The following CRB1 variants were observed in gnomAD, a reference collection of about 807,000 sequenced individuals.
The protein encoded by CRB1 is crumbs cell polarity complex component 1.
In CRB1, 83 loss-of-function variants were observed where a neutral mutation model predicts 120.0. The ratio of observed to expected loss-of-function variants is 0.69; its 90% CI spans 0.58 to 0.83. The LOEUF is 0.83. Among genes scored for constraint, CRB1 ranks in the 40% least tolerant of loss-of-function variants. The pLI, the probability that CRB1 is intolerant of heterozygous loss-of-function variation, is 0.00. For synonymous variants in CRB1, 625 were observed against 612.5 expected, an observed-to-expected ratio of 1.02 and a Z score of -0.30; for missense variants, 1,699 against 1,687.6, an observed-to-expected ratio of 1.01 and a Z score of -0.12.
intron 1 of CRB1, among the ~76,000 whole-genome samples, chr1:197,317,605 G>C (rs1465313652): frequency 5.3e-5 from 8 of 152,062 alleles, no homozygotes; most frequent in Non-Finnish European, 1.2e-4. Flanking sequence ...ATACCAAAAG[G>C]CTAGAGTAAC....
chr1:197,247,864 A>G, the CRB1 span, among the ~76,000 whole-genome samples: 4 of 152,188 alleles, frequency 2.6e-5, no homozygotes, highest in Non-Finnish European at 4.4e-5. Context: ...AACAACAACT[A>G]TCATTTCACA....
intron 5 of CRB1, among the ~76,000 whole-genome samples, chr1:197,365,250 T>C (rs1403857748): frequency 6.6e-6 from 1 of 152,176 alleles, no homozygotes; most frequent in Admixed American, 6.5e-5. Context: ...CTTTGATTTA[T>C]GGAGATGAAG....
At chr1:197,281,578 A>C (rs1655524256) in intron 1 of CRB1, among the ~76,000 whole-genome samples, 1 of 151,830 alleles carries the variant, frequency 6.6e-6, no homozygotes, top group African/African-American at 2.4e-5. Context: ...ATGAGAAGGG[A>C]ATAAAGAAGG....
intron 1 of CRB1, among the ~76,000 whole-genome samples, chr1:197,297,946 G>A (rs1420052541): frequency 6.6e-6 from 1 of 152,070 alleles, no homozygotes; most frequent in African/African-American, 2.4e-5. Context: ...GGGGTGGTGA[G>A]GACAGTAGCC....
At chr1:197,272,454 T>C (rs1412137393) in intron 1 of CRB1, among the ~76,000 whole-genome samples, 2 of 152,142 alleles carry the variant, frequency 1.3e-5, no homozygotes, top group Non-Finnish European at 2.9e-5. Flanking sequence ...TTGCATGCTT[T>C]TTTTTCATCA....
rs556451799 is a variant in CRB1 at position 197,278,082 on chromosome 1, A to G, written c.70+9600A>G. 3.3e-5 allele frequency among the ~76,000 whole-genome samples: 5 copies of G among 152,080 alleles called. No individual in the cohort carries two copies. In the East Asian group the frequency reaches 7.8e-4, roughly 24 times the overall value. On this transcript the variant is annotated intron_variant, in intron 1 of 11. Transcript: ENST00000367400. ...TGCCTCGTTTGTATTCTTCATTGCTATAGTGAATGTTTGTCCCCTCTCCCC... is the reference window on the plus strand; with the variant it reads ...TGCCTCGTTTGTATTCTTCATTGCTGTAGTGAATGTTTGTCCCCTCTCCCC...
At chr1:197,273,151 C>CA (rs1437058599) in intron 1 of CRB1, among the ~76,000 whole-genome samples, 7 of 152,146 alleles carry the variant, frequency 4.6e-5, no homozygotes, top group African/African-American at 1.7e-4. Context: ...GACAGTTCCT[C>CA]AGGCTTTCCT....
intron 5 of CRB1, among the ~76,000 whole-genome samples, chr1:197,363,222 A>G (rs1197534090): frequency 6.6e-6 from 1 of 151,782 alleles, no homozygotes; most frequent in Non-Finnish European, 1.5e-5. Context: ...CATTACATAT[A>G]ATTTAGAAAA....
chr1:197,367,825 A>T (rs1395592132), intron 5 of CRB1, among the ~76,000 whole-genome samples: 1 of 152,158 alleles, frequency 6.6e-6, no homozygotes, highest in Non-Finnish European at 1.5e-5. Flanking sequence ...TATGGAAAGA[A>T]CTGAGTGCAG....
intron 2 of CRB1, among the ~76,000 whole-genome samples, chr1:197,333,443 G>T (rs1658978581): frequency 6.6e-6 from 1 of 152,134 alleles, no homozygotes; most frequent in Non-Finnish European, 1.5e-5. Flanking sequence ...CATAATTGAG[G>T]CCTTCTTTAA....
chr1:197,277,866 T>C (rs1042572269), intron 1 of CRB1, among the ~76,000 whole-genome samples: 3 of 151,930 alleles, frequency 2.0e-5, no homozygotes, highest in Admixed American at 2.0e-4. Flanking sequence ...ATTTTATGAT[T>C]TCATGATTAT....
chr1:197,381,596 A>G (rs1407997553), intron 5 of CRB1, among the ~76,000 whole-genome samples: 1 of 152,202 alleles, frequency 6.6e-6, no homozygotes, highest in Non-Finnish European at 1.5e-5. Context: ...AAATTCTCTC[A>G]CTATAATACA....
chr1:197,468,604 G>A (rs1666847657), intron 11 of CRB1, among the ~76,000 whole-genome samples: 1 of 152,118 alleles, frequency 6.6e-6, no homozygotes, highest in South Asian at 2.1e-4. Context: ...GCAAAGCACT[G>A]CATTTTATAT....
the CRB1 span, among the ~76,000 whole-genome samples, chr1:197,255,965 T>TATATA: frequency 4.7e-5 from 4 of 85,340 alleles, no homozygotes; most frequent in African/African-American, 1.1e-4. Context: ...ATAGAACATT[T>TATATA]TATATATATA....
At chr1:197,201,696 G>A in the CRB1 span, among the ~76,000 whole-genome samples, 1 of 152,188 alleles carries the variant, frequency 6.6e-6, no homozygotes, top group Non-Finnish European at 1.5e-5. Flanking sequence ...CCTCACTGGT[G>A]TATTTAATAG....
chr1:197,354,817 GCCCCCCCACCCCC>G (rs1660356488), intron 4 of CRB1, among the ~76,000 whole-genome samples: 36 of 19,460 alleles, frequency 1.8e-3, no homozygotes, highest in South Asian at 3.3e-3. Flanking sequence ...TCTGCCCCCC[GCCCCCCCACCCCC>G]CCCCCCCGCC....
chr1:197,256,511 A>C, the CRB1 span, among the ~76,000 whole-genome samples: 1 of 152,136 alleles, frequency 6.6e-6, no homozygotes, highest in African/African-American at 2.4e-5. Context: ...ATGTACTTAT[A>C]TGTTTAAGAC....
chr1:197,368,052 CCATAGAGGG>C (rs1395235344), intron 5 of CRB1, among the ~76,000 whole-genome samples: 1 of 152,106 alleles, frequency 6.6e-6, no homozygotes, highest in Non-Finnish European at 1.5e-5. Context: ...ACTAAAATAG[CCATAGAGGG>C]CCAAGCATAT....
the CRB1 span, among the ~76,000 whole-genome samples, chr1:197,259,415 A>G: frequency 1.3e-5 from 2 of 152,248 alleles, no homozygotes; most frequent in African/African-American, 4.8e-5. Flanking sequence ...ATCCTCAGCA[A>G]ACTAACACAG....
Sources: gnomAD v4.1 joint callset for allele counts (sites outside exome capture counted in the v4.1 genomes callset) on GRCh38, gnomAD v4.1.1 for gene constraint, MANE v1.5 for transcripts, NCBI Gene and HGNC (gene_info 2026-07-23, HGNC 2026-07-21) for gene names.